Variants in MSH4 observed in about 807,000 individuals in gnomAD.
MSH4 encodes the protein mutS homolog 4.
A neutral mutation model predicts 113.7 loss-of-function variants in MSH4; 106 were observed. That is an observed-to-expected ratio of 0.93 (90% CI 0.80 to 1.10). The LOEUF is 1.10. MSH4 is among the 50% of genes least tolerant of loss of function. The probability of loss-of-function intolerance (pLI) is 0.00; values close to 1 mark genes in which losing one functional copy is unlikely to be tolerated. For missense variants in MSH4, 1,061 were observed against 1,093.7 expected, an observed-to-expected ratio of 0.97 and a Z score of 0.42; for synonymous variants, 368 against 380.2, an observed-to-expected ratio of 0.97 and a Z score of 0.37.
At chr1:75,804,759 T>G (rs1322799265) in intron 2 of MSH4, among the ~76,000 whole-genome samples, 1 of 151,988 alleles carries the variant, frequency 6.6e-6, no homozygotes, top group African/African-American at 2.4e-5. Context: ...TCCACCCACC[T>G]TGGCTCCCAA....
intron 9 of MSH4, among the ~76,000 whole-genome samples, chr1:75,875,456 G>T (rs545713436): frequency 6.6e-6 from 1 of 152,134 alleles, no homozygotes; most frequent in Non-Finnish European, 1.5e-5. Context: ...AACAGAACAA[G>T]AAATCATGTC....
chr1:75,892,127 A>G (rs778839886), intron 17 of MSH4, among the ~76,000 whole-genome samples: 2 of 152,110 alleles, frequency 1.3e-5, no homozygotes, highest in Non-Finnish European at 2.9e-5. Context: ...AAAGCCTTCC[A>G]ATGAGTAAGA....
chr1:75,851,963 C>A lies in MSH4; in HGVS notation c.1230+3687C>A, dbSNP rs998098694. 2.6e-5 allele frequency among the ~76,000 whole-genome samples: 4 copies of A among 152,302 alleles called. No homozygotes were observed. The East Asian group carries it at 5.8e-4, about 22-fold the overall frequency. The stretch of plus-strand genomic sequence containing the variant: ...TCACAGAGTTGTACAACCATCACCA[C>A]AGTCAATTTTAGAACATTTTAATCA... On this transcript the variant is annotated intron_variant, in intron 8 of 19. Transcript: ENST00000263187.
At chr1:75,909,672 A>ATG (rs1652746121) in intron 19 of MSH4, among the ~76,000 whole-genome samples, 1 of 105,322 alleles carries the variant, frequency 9.5e-6, no homozygotes, top group Non-Finnish European at 1.9e-5. Context: ...CTGACAGGCC[A>ATG]TGGTATGTGA....
At chr1:75,849,016 C>T (rs1343293195) in intron 8 of MSH4, among the ~76,000 whole-genome samples, 1 of 152,096 alleles carries the variant, frequency 6.6e-6, no homozygotes, top group Non-Finnish European at 1.5e-5. Context: ...ACTGCAACCT[C>T]TGTCTCTCAG....
intron 8 of MSH4, among the ~76,000 whole-genome samples, chr1:75,848,779 T>C (rs532917178): frequency 1.3e-5 from 2 of 152,216 alleles, no homozygotes; most frequent in East Asian, 3.9e-4. Context: ...AATTGGCCTA[T>C]TTTCACTGAT....
chr1:75,912,740 G>A lies in MSH4; in HGVS notation c.2664G>A (p.Val888=). 6.3e-7 allele frequency: 1 copy of A among 1,584,012 alleles called. No homozygotes were observed. Among genetic ancestry groups the A allele is most frequent in the Non-Finnish European group, 8.6e-7 (1 of 1,167,348 alleles). ...CTGAGATGGAAAGACAGAGAGCTGT[G>A]TACCATCTAGCCACTAGGCTTGTTC... ...STPEMERQRA[V]YHLATRLVQT... Residue 888 remains valine, a synonymous_variant, in exon 20 of 20, where the codon GTG becomes GTA. Coordinates refer to ENST00000263187, the MANE Select transcript of MSH4 (RefSeq NM_002440.4).
At chr1:75,802,238 A>G (rs1218883840) in intron 1 of MSH4, among the ~76,000 whole-genome samples, 1 of 152,184 alleles carries the variant, frequency 6.6e-6, no homozygotes, top group Non-Finnish European at 1.5e-5. Flanking sequence ...TTACAGCTAT[A>G]TACGAAGGCT....
intron 7 of MSH4, among the ~76,000 whole-genome samples, chr1:75,841,170 T>TCCCC (rs1650951554): frequency 9.7e-6 from 1 of 103,044 alleles, no homozygotes; most frequent in Non-Finnish European, 2.0e-5. Flanking sequence ...CCTCCCTCCC[T>TCCCC]CCCTCCCTCC....
chr1:75,805,205 G>T (rs140270795), intron 2 of MSH4, among the ~76,000 whole-genome samples: 147 of 151,478 alleles, frequency 9.7e-4, no homozygotes, highest in African/African-American at 3.4e-3. Context: ...CATCTCTAAG[G>T]TTCTAAAAAT....
intron 8 of MSH4, among the ~76,000 whole-genome samples, chr1:75,848,607 G>T (rs1037491062): frequency 1.3e-5 from 2 of 152,078 alleles, no homozygotes; most frequent in African/African-American, 2.4e-5. Flanking sequence ...GCATGCTGTT[G>T]CATGCTTGTA....
intron 4 of MSH4, among the ~76,000 whole-genome samples, chr1:75,813,944 G>T (rs1227934483): frequency 6.6e-6 from 1 of 152,112 alleles, no homozygotes; most frequent in Non-Finnish European, 1.5e-5. Context: ...CTTTGGCACA[G>T]ATCAACTGTA....
chr1:75,873,011 G>A (rs1651747219), intron 9 of MSH4, among the ~76,000 whole-genome samples: 3 of 152,240 alleles, frequency 2.0e-5, no homozygotes. Context: ...ACTATGCTGG[G>A]CTGTGCTAGT....
intron 5 of MSH4, among the ~76,000 whole-genome samples, 158 bp downstream of exon 5, chr1:75,815,294 G>C (rs1311480902): frequency 6.6e-6 from 1 of 152,122 alleles, no homozygotes; most frequent in Non-Finnish European, 1.5e-5. Flanking sequence ...CTACCACCTG[G>C]AAAATTACCT....
intron 8 of MSH4, among the ~76,000 whole-genome samples, chr1:75,854,134 G>A (rs1447324231): frequency 4.0e-5 from 6 of 150,876 alleles, no homozygotes; most frequent in African/African-American, 1.5e-4. Flanking sequence ...TACAGTCACA[G>A]GGTTCATACT....
At chr1:75,840,709 T>A (rs966498731) in intron 7 of MSH4, among the ~76,000 whole-genome samples, 6 of 140,090 alleles carry the variant, frequency 4.3e-5, no homozygotes, top group African/African-American at 1.5e-4. Context: ...AATATAAGAA[T>A]CTAAACCTTT....
rs1652818597 is a variant in MSH4 at position 75,912,791 on chromosome 1, T to A, written c.2715T>A (p.Asp905Glu). The A allele has an allele frequency of 6.3e-7, 1 of 1,596,712 alleles. No homozygotes were observed. The highest frequency in any genetic ancestry group is 8.5e-7 in the Non-Finnish European group (1 of 1,171,934). Reference sequence around the variant, plus strand: ...AAACTGCTCGAAACTCTCAATTGGATCCAGACAGTTTACGAATATATTTAA... The same window carrying A: ...AAACTGCTCGAAACTCTCAATTGGAACCAGACAGTTTACGAATATATTTAA... ...LVQTARNSQL[D>E]PDSLRIYLSN... The change falls in exon 20 of 20, where the codon GAT (aspartate) becomes GAA (glutamate). Residue 905 changes from aspartate to glutamate, a missense_variant. Physicochemically the swap from Asp to Glu is conservative, Grantham distance 45. Coordinates refer to ENST00000263187, the MANE Select transcript of MSH4 (RefSeq NM_002440.4).
chr1:75,813,137 T>C (rs1318499726), intron 4 of MSH4, among the ~76,000 whole-genome samples: 1 of 152,102 alleles, frequency 6.6e-6, no homozygotes, highest in Non-Finnish European at 1.5e-5. Context: ...AGAGGGAAAA[T>C]AATTTCTTTA....
chr1:75,832,747 A>G (rs1022532926), intron 7 of MSH4, among the ~76,000 whole-genome samples: 2 of 149,932 alleles, frequency 1.3e-5, no homozygotes, highest in African/African-American at 2.5e-5. Context: ...CCTTCATGCT[A>G]AAAACTCTCA....
Sources: gnomAD v4.1 joint callset for allele counts (sites outside exome capture counted in the v4.1 genomes callset) on GRCh38, gnomAD v4.1.1 for gene constraint, MANE v1.5 for transcripts, NCBI Gene and HGNC (gene_info 2026-07-23, HGNC 2026-07-21) for gene names.